ITPR2: variants seen among roughly 807,000 people sequenced by gnomAD.
ITPR2 encodes the protein inositol 1,4,5-trisphosphate-gated calcium channel ITPR2.
Under a neutral mutation model 317.1 loss-of-function variants are expected in ITPR2, and 207 were observed. The observed-to-expected ratio is 0.65, with a 90% CI of 0.58 to 0.73. ITPR2 has a LOEUF of 0.73. Among genes scored for constraint, ITPR2 ranks in the 30% least tolerant of loss-of-function variants. The pLI, the probability that ITPR2 is intolerant of heterozygous loss-of-function variation, is 0.00. For missense variants in ITPR2, 2,613 were observed against 3,284.0 expected, an observed-to-expected ratio of 0.80 and a Z score of 4.99; for synonymous variants, 1,156 against 1,149.1, an observed-to-expected ratio of 1.01 and a Z score of -0.12.
chr12:26,666,125 T>C, intron 13 of ITPR2, 74 bp from the exon 14 acceptor site: 1 of 525,066 alleles, frequency 1.9e-6, no homozygotes. Flanking sequence ...AGATGATAGG[T>C]AGGTAGGTAG....
At chr12:26,796,012 A>G (rs1950434922) in intron 1 of ITPR2, among the ~76,000 whole-genome samples, 1 of 149,654 alleles carries the variant, frequency 6.7e-6, no homozygotes. Context: ...GGGGGGGGGC[A>G]ACACACAAAA....
At chr12:26,810,080 A>C (rs2137262493) in intron 1 of ITPR2, among the ~76,000 whole-genome samples, 1 of 152,366 alleles carries the variant, frequency 6.6e-6, no homozygotes, top group South Asian at 2.1e-4. Flanking sequence ...GACTTATCCT[A>C]AATCATAAAA....
chr12:26,620,445 T>A (rs1046807929), intron 26 of ITPR2, among the ~76,000 whole-genome samples: 1 of 152,340 alleles, frequency 6.6e-6, no homozygotes, highest in South Asian at 2.1e-4. Context: ...AACAACTATA[T>A]AAAACACCAG....
intron 1 of ITPR2, among the ~76,000 whole-genome samples, chr12:26,809,432 C>T (rs1950693909): frequency 6.6e-6 from 1 of 152,152 alleles, no homozygotes; most frequent in Admixed American, 6.5e-5. Flanking sequence ...ATTTTTTTAA[C>T]CTGCCCAAAT....
chr12:26,797,615 T>C (rs1950472008), intron 1 of ITPR2, among the ~76,000 whole-genome samples: 1 of 151,534 alleles, frequency 6.6e-6, no homozygotes, highest in South Asian at 2.1e-4. Flanking sequence ...ACAATTGACA[T>C]TACTAAAAGC....
At chr12:26,591,234 T>C (rs542018827) in intron 32 of ITPR2, among the ~76,000 whole-genome samples, 5 of 152,106 alleles carry the variant, frequency 3.3e-5, no homozygotes, top group East Asian at 1.9e-4. Flanking sequence ...AACAACTCTA[T>C]AGGAAAAAAT....
intron 34 of ITPR2, among the ~76,000 whole-genome samples, chr12:26,564,045 T>C (rs1419538339): frequency 6.6e-6 from 1 of 152,054 alleles, no homozygotes; most frequent in African/African-American, 2.4e-5. Flanking sequence ...ATCCAAAAAA[T>C]TAGAAAATCA....
intron 55 of ITPR2, among the ~76,000 whole-genome samples, chr12:26,355,671 T>G (rs1297878062): frequency 6.6e-6 from 1 of 152,236 alleles, no homozygotes; most frequent in Non-Finnish European, 1.5e-5. Context: ...AGACAGATGC[T>G]AATACTCCCT....
chr12:26,595,135 A>G (rs1228948012), intron 32 of ITPR2, among the ~76,000 whole-genome samples: 1 of 152,210 alleles, frequency 6.6e-6, no homozygotes, highest in Non-Finnish European at 1.5e-5. Context: ...TTAGAATAAG[A>G]GATTAAATGC....
At chr12:26,452,284 A>C (rs1203465736) in intron 45 of ITPR2, among the ~76,000 whole-genome samples, 1 of 152,152 alleles carries the variant, frequency 6.6e-6, no homozygotes, top group East Asian at 1.9e-4. Flanking sequence ...AAAAGAATGA[A>C]GTGTTTTTAA....
At position 26,629,875 on chromosome 12, in the gene ITPR2, G is replaced by C. The variant is rs113900315; in HGVS notation, c.2935-1713C>G. On this transcript the variant is annotated intron_variant, in intron 22 of 56. Transcript: ENST00000381340. Reference sequence around the variant, plus strand: ...CCAGACATGCGTTAAACAAGGCATTGAGGAAGGCACTAAGGGCATAAAAAG... The same window carrying C: ...CCAGACATGCGTTAAACAAGGCATTCAGGAAGGCACTAAGGGCATAAAAAG... Among the ~76,000 whole-genome samples the C allele has an allele frequency of 3.2e-4, 49 of 152,312 alleles. 1 individual carries two copies. The highest frequency in any genetic ancestry group is 1.2e-3 in the African/African-American group (48 of 41,554).
At chr12:26,542,001 T>C (rs1944276727) in intron 37 of ITPR2, among the ~76,000 whole-genome samples, 1 of 152,236 alleles carries the variant, frequency 6.6e-6, no homozygotes, top group Admixed American at 6.5e-5. Flanking sequence ...CTGCTACCAC[T>C]ATTCAATGTC....
intron 37 of ITPR2, among the ~76,000 whole-genome samples, chr12:26,530,893 AG>A (rs1192423471): frequency 2.0e-5 from 3 of 152,240 alleles, no homozygotes; most frequent in Non-Finnish European, 4.4e-5. Context: ...AGCAAAGAAG[AG>A]GTGACAATAG....
chr12:26,737,724 C>T (rs1388491404), intron 2 of ITPR2, among the ~76,000 whole-genome samples: 2 of 152,096 alleles, frequency 1.3e-5, no homozygotes, highest in Non-Finnish European at 2.9e-5. Context: ...TTTCAGCACC[C>T]GGACCCCATA....
intron 23 of ITPR2, among the ~76,000 whole-genome samples, chr12:26,627,142 T>G (rs1004978060): frequency 6.6e-6 from 1 of 152,290 alleles, no homozygotes; most frequent in South Asian, 2.1e-4. Flanking sequence ...CAAAGTAAAT[T>G]TTTTTAAAAA....
chr12:26,339,555 T>G, intron 56 of ITPR2, 72 bp from the exon 57 acceptor site: 2 of 1,150,872 alleles, frequency 1.7e-6, no homozygotes, highest in Non-Finnish European at 2.6e-6. Context: ...GCCACAACCG[T>G]TTTGAGTTAA....
rs571361653 is a variant in ITPR2 at position 26,734,244 on chromosome 12, T to C, written c.164-8479A>G. On this transcript the variant is annotated intron_variant, in intron 2 of 56. Transcript: ENST00000381340. ...GATCAACCTGCCTCCAAAGCCCATC[T>C]TCATAATTCAATAGAAGATGCTCTA... Among the ~76,000 whole-genome samples, 6 of 152,340 alleles carry C rather than the reference T, an allele frequency of 3.9e-5. No individual in the cohort carries two copies. The South Asian group carries it at 1.2e-3, about 32-fold the overall frequency.
At chr12:26,824,891 C>T (rs1950987807) in intron 1 of ITPR2, among the ~76,000 whole-genome samples, 3 of 152,164 alleles carry the variant, frequency 2.0e-5, no homozygotes, top group South Asian at 4.1e-4. Context: ...AAACATGACA[C>T]CAAAAAATGC....
chr12:26,708,884 G>A (rs764297527), intron 9 of ITPR2, among the ~76,000 whole-genome samples: 3 of 152,112 alleles, frequency 2.0e-5, no homozygotes, highest in East Asian at 3.9e-4. Context: ...AAGTGTATAC[G>A]TATACTATGT....
Sources: allele counts gnomAD v4.1 joint callset (sites outside exome capture counted in the v4.1 genomes callset), GRCh38; gene constraint gnomAD v4.1.1; transcripts MANE v1.5; gene names NCBI Gene and HGNC (gene_info 2026-07-23, HGNC 2026-07-21).